SGCZ: variants seen among roughly 807,000 people sequenced by gnomAD.
The protein encoded by SGCZ is sarcoglycan zeta, also known as zeta-sarcoglycan.
In SGCZ, 40 loss-of-function variants were observed where a neutral mutation model predicts 41.3. That is an observed-to-expected ratio of 0.97 (90% CI 0.75 to 1.26). SGCZ has a LOEUF of 1.26. Among genes scored for constraint, SGCZ ranks in the 50% most tolerant of loss-of-function variants. The probability of loss-of-function intolerance (pLI) is 0.00; values close to 1 mark genes in which losing one functional copy is unlikely to be tolerated. For missense variants in SGCZ, 552 were observed against 369.8 expected (o/e 1.49, Z -4.04); for synonymous variants, 206 against 137.5 (o/e 1.50, Z -3.49).
chr8:14,258,235 T>TAATCAAAACA (rs1799534220), intron 3 of SGCZ, among the ~76,000 whole-genome samples: 1 of 151,916 alleles, frequency 6.6e-6, no homozygotes, highest in East Asian at 1.9e-4. Flanking sequence ...ATGAAGATTA[T>TAATCAAAACA]AATGAAAACT....
rs141284304 is a variant in SGCZ, at chr8:15,211,992, A to G, written c.39+25593T>C. ...CTGATTAAGAAAGGGAACAAATGAA[A>G]TGTTATCAGATAAGGTTTTGAGTGT... is the stretch of plus-strand genomic sequence containing the variant. On this transcript the variant is annotated intron_variant, in intron 1 of 7. Transcript: ENST00000382080. Among the ~76,000 whole-genome samples the G allele has an allele frequency of 3.9e-5, 6 of 152,248 alleles. No individual in the cohort carries two copies. The East Asian group carries it at 1.2e-3, about 29-fold the overall frequency.
At chr8:14,972,041 G>T (rs1801316459) in intron 1 of SGCZ, among the ~76,000 whole-genome samples, 1 of 151,990 alleles carries the variant, frequency 6.6e-6, no homozygotes, top group South Asian at 2.1e-4. Flanking sequence ...GTTATTACTG[G>T]CTTCATAGAA....
At chr8:15,184,205 C>T (rs968454523) in intron 1 of SGCZ, among the ~76,000 whole-genome samples, 1 of 152,130 alleles carries the variant, frequency 6.6e-6, no homozygotes, top group Non-Finnish European at 1.5e-5. Context: ...ATCATATATA[C>T]TGTCACTAGT....
At chr8:14,779,136 G>A (rs1232880302) in intron 1 of SGCZ, among the ~76,000 whole-genome samples, 1 of 152,088 alleles carries the variant, frequency 6.6e-6, no homozygotes, top group African/African-American at 2.4e-5. Flanking sequence ...TTGTCTTTTG[G>A]TCTCCATGCC....
chr8:15,183,956 G>A (rs577976006), intron 1 of SGCZ, among the ~76,000 whole-genome samples: 3 of 152,222 alleles, frequency 2.0e-5, no homozygotes, highest in East Asian at 3.9e-4. Flanking sequence ...AAAGCAAAGA[G>A]AAGGAAGAAT....
chr8:14,818,285 T>G (rs534429492), intron 1 of SGCZ, among the ~76,000 whole-genome samples: 79 of 152,258 alleles, frequency 5.2e-4, no homozygotes, highest in African/African-American at 1.8e-3. Flanking sequence ...ACGACTAACC[T>G]GATACTCTCA....
At chr8:15,087,976 C>T (rs1806011111) in intron 1 of SGCZ, among the ~76,000 whole-genome samples, 1 of 148,494 alleles carries the variant, frequency 6.7e-6, no homozygotes, top group African/African-American at 2.6e-5. Flanking sequence ...ACCACCATTA[C>T]TATATACCTC....
At chr8:14,520,939 A>C (rs1802770285) in intron 2 of SGCZ, among the ~76,000 whole-genome samples, 1 of 152,194 alleles carries the variant, frequency 6.6e-6, no homozygotes, top group South Asian at 2.1e-4. Context: ...TAATCTTAGC[A>C]ATAGTAAAAC....
intron 1 of SGCZ, among the ~76,000 whole-genome samples, chr8:15,141,642 G>A (rs1425283026): frequency 6.6e-6 from 1 of 152,156 alleles, no homozygotes; most frequent in African/African-American, 2.4e-5. Flanking sequence ...GGTGGCTCAC[G>A]CCTGTAATCC....
chr8:14,811,270 C>G (rs907493697), intron 1 of SGCZ, among the ~76,000 whole-genome samples: 4 of 152,018 alleles, frequency 2.6e-5, no homozygotes, highest in Non-Finnish European at 5.9e-5. Context: ...CTGAAACTTA[C>G]AATAAAAATT....
At chr8:14,843,520 T>A (rs1038895817) in intron 1 of SGCZ, among the ~76,000 whole-genome samples, 9 of 152,264 alleles carry the variant, frequency 5.9e-5, no homozygotes, top group Admixed American at 5.9e-4. Flanking sequence ...TTATCTGTGA[T>A]AAACACTAAA....
At chr8:14,201,173 G>C (rs1585225682) in intron 4 of SGCZ, among the ~76,000 whole-genome samples, 1 of 152,106 alleles carries the variant, frequency 6.6e-6, no homozygotes, top group South Asian at 2.1e-4. Flanking sequence ...CAGGCAGGTA[G>C]AAATACAAAA....
At chr8:15,138,974 C>T (rs1167422692) in intron 1 of SGCZ, among the ~76,000 whole-genome samples, 1 of 152,046 alleles carries the variant, frequency 6.6e-6, no homozygotes, top group Non-Finnish European at 1.5e-5. Flanking sequence ...CTCTACAGAT[C>T]CATCTATTTT....
intron 1 of SGCZ, among the ~76,000 whole-genome samples, chr8:15,198,469 G>C (rs1268465639): frequency 2.0e-5 from 3 of 152,054 alleles, no homozygotes; most frequent in Admixed American, 6.6e-5. Flanking sequence ...GAAAATTTAG[G>C]TTAGGAAATG....
chr8:14,969,767 T>C (rs1211862272), intron 1 of SGCZ, among the ~76,000 whole-genome samples: 1 of 152,108 alleles, frequency 6.6e-6, no homozygotes, highest in East Asian at 1.9e-4. Flanking sequence ...GATGCAACAC[T>C]TTTTGTTATT....
At chr8:15,155,036 G>C (rs1339809197) in intron 1 of SGCZ, among the ~76,000 whole-genome samples, 1 of 152,236 alleles carries the variant, frequency 6.6e-6, no homozygotes, top group East Asian at 1.9e-4. Flanking sequence ...TCACCCCTGA[G>C]ATCCCAGCAC....
At chr8:14,363,547 C>T (rs111812818) in intron 2 of SGCZ, among the ~76,000 whole-genome samples, 1,693 of 148,374 alleles carry the variant, frequency 0.011, 29 homozygotes, top group African/African-American at 0.039. Flanking sequence ...CTTTTTTTTT[C>T]CCCCAAGCAG....
intron 1 of SGCZ, among the ~76,000 whole-genome samples, chr8:14,632,408 T>TA (rs1004270486): frequency 2.2e-4 from 34 of 152,062 alleles, no homozygotes; most frequent in African/African-American, 8.0e-4. Flanking sequence ...ATAAGCTAAA[T>TA]AAAAAATTAT....
At chr8:14,432,914 CAAAAAAAAAAAA>C (rs767979164) in intron 2 of SGCZ, among the ~76,000 whole-genome samples, 1 of 75,630 alleles carries the variant, frequency 1.3e-5, no homozygotes, top group Admixed American at 1.4e-4. Flanking sequence ...ACTGTGTCTC[CAAAAAAAAAAAA>C]AAAAAAAAAA....
Sources: gnomAD v4.1 joint callset for allele counts (sites outside exome capture counted in the v4.1 genomes callset) on GRCh38, gnomAD v4.1.1 for gene constraint, MANE v1.5 for transcripts, NCBI Gene and HGNC (gene_info 2026-07-23, HGNC 2026-07-21) for gene names.